The following AP3S2 variants were observed in gnomAD, a reference collection of about 807,000 sequenced individuals.
AP3S2 encodes AP-3 complex subunit sigma-2.
AP3S2 carries 22 observed loss-of-function variants against 23.4 expected under a neutral mutation model. The ratio of observed to expected loss-of-function variants is 0.94; its 90% CI spans 0.67 to 1.34. AP3S2 has a LOEUF of 1.34. Among genes scored for constraint, AP3S2 ranks in the 40% most tolerant of loss-of-function variants. The pLI, the probability that AP3S2 is intolerant of heterozygous loss-of-function variation, is 0.00. For synonymous variants in AP3S2, 86 were observed against 87.1 expected (o/e 0.99, Z 0.07); for missense variants, 241 against 236.9 (o/e 1.02, Z -0.11).
Position 89,837,550 on chromosome 15 carries a change from C to T in AP3S2, c.453+65G>A, listed in dbSNP as rs1895223109. 4.4e-6 allele frequency: 7 copies of T among 1,589,398 alleles called. No individual in the cohort carries two copies. In the Admixed American group the frequency reaches 8.4e-5, roughly 19 times the overall value. On this transcript the variant is annotated intron_variant, in intron 5 of 5. Coordinates refer to ENST00000336418, the MANE Select transcript of AP3S2 (RefSeq NM_005829.5). ...ACAGCAACACAAACCAACACATGTA[C>T]ACACTCCTGCCTCTGCCCAGGTTTT...
At chr15:89,886,292 C>T (rs150538788) in intron 3 of AP3S2, among the ~76,000 whole-genome samples, 1 of 152,166 alleles carries the variant, frequency 6.6e-6, no homozygotes, top group African/African-American at 2.4e-5. Context: ...TTGTGGTGAG[C>T]TGAGATCGTG....
intron 3 of AP3S2, among the ~76,000 whole-genome samples, chr15:89,884,214 C>T (rs1250456702): frequency 6.6e-6 from 1 of 152,154 alleles, no homozygotes; most frequent in African/African-American, 2.4e-5. Context: ...TCGCTCCTCT[C>T]AGCAACTACT....
chr15:89,835,323 C>A lies in AP3S2; in HGVS notation c.*192G>T. 1.1e-6 allele frequency: 1 copy of A among 931,756 alleles called. No individual in the cohort carries two copies. 57.7% of individuals were successfully genotyped at this position (931,756 alleles called of 1,614,324 possible). A position where few individuals can be genotyped will look rare whatever the true frequency, so the allele number is the denominator to read the frequency against. The stretch of plus-strand genomic sequence containing the variant: ...AACGGCATGACTGCACATGTGAGAA[C>A]TGGGTGCACCCGAGCAGTGTCAATA... On this transcript the variant is annotated 3_prime_UTR_variant, in exon 6 of 6. Transcript: ENST00000336418.
At chr15:89,870,269 TGCTAAGAGATC>T (rs1424381409) in intron 4 of AP3S2, among the ~76,000 whole-genome samples, 4 of 152,082 alleles carry the variant, frequency 2.6e-5, no homozygotes, top group Non-Finnish European at 4.4e-5. Flanking sequence ...AAAGAAAGGG[TGCTAAGAGATC>T]GCTGAAGTTT....
chr15:89,854,433 G>A (rs1895757050), intron 4 of AP3S2, among the ~76,000 whole-genome samples: 1 of 53,830 alleles, frequency 1.9e-5, no homozygotes, highest in Non-Finnish European at 4.1e-5. Flanking sequence ...CCCCGTCCGG[G>A]AGGTGAGGGG....
intron 3 of AP3S2, among the ~76,000 whole-genome samples, chr15:89,879,577 G>C (rs1296713513): frequency 6.6e-6 from 1 of 152,168 alleles, no homozygotes; most frequent in African/African-American, 2.4e-5. Context: ...GAAAGTTTTA[G>C]AACTATATAT....
At chr15:89,855,902 C>G (rs1387369457) in intron 4 of AP3S2, among the ~76,000 whole-genome samples, 1 of 137,766 alleles carries the variant, frequency 7.3e-6, no homozygotes, top group East Asian at 2.1e-4. Context: ...AATGTCTGCA[C>G]CAATAATTCC....
chr15:89,847,564 T>G (rs904392845), intron 4 of AP3S2, among the ~76,000 whole-genome samples: 1 of 152,058 alleles, frequency 6.6e-6, no homozygotes, highest in African/African-American at 2.4e-5. Context: ...GGACAGAGGA[T>G]TCCATGCTCT....
chr15:89,842,851 T>C (rs2141839630), intron 4 of AP3S2, among the ~76,000 whole-genome samples: 1 of 152,328 alleles, frequency 6.6e-6, no homozygotes, highest in South Asian at 2.1e-4. Flanking sequence ...GACCTTGTGA[T>C]CCGCCCACCT....
rs1312345117 is a variant in AP3S2 at position 89,889,043 on chromosome 15, GTT to G, written c.161+4_161+5del. The G allele has an allele frequency of 6.2e-7, 1 of 1,614,034 alleles. No individual in the cohort carries two copies. The highest frequency in any genetic ancestry group is 1.3e-5 in the African/African-American group (1 of 74,920). The stretch of plus-strand genomic sequence containing the variant: ...TATGGGGAGAAAAATGAAGCTGACA[GTT>G]TACCTTCCACCCTCCAAGAAGTTAC... On this transcript the variant is annotated splice_donor_5th_base_variant and intron_variant, in intron 2 of 5. Coordinates refer to ENST00000336418, the MANE Select transcript of AP3S2 (RefSeq NM_005829.5).
intron 1 of AP3S2, 126 bp downstream of exon 1, chr15:89,893,754 AG>A (rs1896872733): frequency 8.0e-6 from 7 of 874,872 alleles, no homozygotes; most frequent in Non-Finnish European, 1.2e-5. Context: ...AAGTAGGGCG[AG>A]GGTCATGCTC....
At chr15:89,846,138 GT>G (rs1175229018) in intron 4 of AP3S2, among the ~76,000 whole-genome samples, 1 of 152,176 alleles carries the variant, frequency 6.6e-6, no homozygotes, top group African/African-American at 2.4e-5. Flanking sequence ...AGATACTGAT[GT>G]TTTCCAAGAT....
chr15:89,893,808 G>T, intron 1 of AP3S2, 73 bp downstream of exon 1: 1 of 1,465,816 alleles, frequency 6.8e-7, no homozygotes, highest in Non-Finnish European at 9.3e-7. Flanking sequence ...GCCCCCGGGC[G>T]CCGAGAGGCC....
At chr15:89,849,137 TA>T (rs1895571567) in intron 4 of AP3S2, 1 of 152,168 alleles carries the variant, frequency 6.6e-6, no homozygotes. Flanking sequence ...TGGAACACAT[TA>T]ACAAGTACCA....
chr15:89,850,663 T>C (rs1895626642), intron 4 of AP3S2: 1 of 153,838 alleles, frequency 6.5e-6, no homozygotes, highest in African/African-American at 2.4e-5. Flanking sequence ...GAGCCCACTG[T>C]ACCTACCACA....
At chr15:89,863,593 A>G (rs1391732300) in intron 4 of AP3S2, among the ~76,000 whole-genome samples, 1 of 152,196 alleles carries the variant, frequency 6.6e-6, no homozygotes, top group East Asian at 1.9e-4. Context: ...GTATACAAAA[A>G]CAACTTAGGA....
intron 4 of AP3S2, among the ~76,000 whole-genome samples, chr15:89,855,990 A>G (rs1244680123): frequency 6.8e-6 from 1 of 147,462 alleles, no homozygotes; most frequent in Non-Finnish European, 1.5e-5. Context: ...ATGTGATATC[A>G]TCCCTGTTTT....
At chr15:89,871,582 T>C (rs1193808316) in intron 3 of AP3S2, 36 bp from the exon 4 acceptor site, 6 of 1,601,668 alleles carry the variant, frequency 3.7e-6, no homozygotes, top group Non-Finnish European at 5.1e-6. Context: ...AGAAGAGAAA[T>C]AGGAACACAT....
At chr15:89,847,942 TA>T (rs1284407059) in intron 4 of AP3S2, among the ~76,000 whole-genome samples, 2 of 152,228 alleles carry the variant, frequency 1.3e-5, no homozygotes, top group Non-Finnish European at 2.9e-5. Flanking sequence ...GTTTCTATAA[TA>T]AAATGCAGTT....
Sources: allele counts gnomAD v4.1 joint callset (sites outside exome capture counted in the v4.1 genomes callset), GRCh38; gene constraint gnomAD v4.1.1; transcripts MANE v1.5; gene names NCBI Gene and HGNC (gene_info 2026-07-23, HGNC 2026-07-21).